Variants in SDK1 observed in about 807,000 individuals in gnomAD.
The protein encoded by SDK1 is sidekick cell adhesion molecule 1, also known as protein sidekick-1.
SDK1 carries 157 observed loss-of-function variants against 245.5 expected under a neutral mutation model. The observed-to-expected ratio is 0.64, with a 90% CI of 0.56 to 0.73. The LOEUF (loss-of-function observed/expected upper bound fraction) is 0.73, where lower values mean the gene tolerates loss of function less well. Ranked by LOEUF, SDK1 falls within the 30% of genes least tolerant of loss-of-function variation. SDK1 has a pLI of 0.00. For missense variants in SDK1, 3,583 were observed against 3,002.3 expected, an observed-to-expected ratio of 1.19 and a Z score of -4.52; for synonymous variants, 1,647 against 1,278.5, an observed-to-expected ratio of 1.29 and a Z score of -6.15.
At chr7:4,226,909 G>A (rs867990275) in intron 40 of SDK1, among the ~76,000 whole-genome samples, 2 of 151,424 alleles carry the variant, frequency 1.3e-5, no homozygotes, top group South Asian at 2.1e-4. Context: ...TTTAGAATGT[G>A]CCCAATGCAG....
chr7:3,471,932 TAATC>T (rs955191807), intron 1 of SDK1, among the ~76,000 whole-genome samples: 2 of 152,208 alleles, frequency 1.3e-5, no homozygotes, highest in African/African-American at 2.4e-5. Flanking sequence ...CTTTTGAAAA[TAATC>T]AAACTCTTTA....
At chr7:3,882,632 A>G (rs1781235039) in intron 5 of SDK1, among the ~76,000 whole-genome samples, 1 of 152,178 alleles carries the variant, frequency 6.6e-6, no homozygotes, top group Admixed American at 6.5e-5. Flanking sequence ...GTAGAATGTA[A>G]ATAGCATTGT....
At chr7:4,012,891 T>C (rs531704971) in intron 16 of SDK1, among the ~76,000 whole-genome samples, 1 of 152,264 alleles carries the variant, frequency 6.6e-6, no homozygotes, top group South Asian at 2.1e-4. Context: ...TGTAGGTCTT[T>C]TGATTCCATT....
intron 20 of SDK1, among the ~76,000 whole-genome samples, chr7:4,075,568 T>A (rs1466071576): frequency 6.6e-6 from 1 of 152,110 alleles, no homozygotes; most frequent in Non-Finnish European, 1.5e-5. Context: ...TCTCCCTCTT[T>A]AAAAGACACT....
intron 4 of SDK1, among the ~76,000 whole-genome samples, chr7:3,692,185 A>G (rs1168070139): frequency 3.9e-5 from 6 of 152,180 alleles, no homozygotes; most frequent in Admixed American, 6.5e-5. Flanking sequence ...CATAATTTCA[A>G]GTTTCCATTT....
chr7:4,200,121 C>T (rs539122411), intron 35 of SDK1, among the ~76,000 whole-genome samples: 1 of 152,100 alleles, frequency 6.6e-6, no homozygotes, highest in Admixed American at 6.6e-5. Context: ...AGGCCAGGAG[C>T]ATCTCTTAGA....
chr7:4,073,436 G>A (rs1387541979), intron 20 of SDK1, among the ~76,000 whole-genome samples: 1 of 152,216 alleles, frequency 6.6e-6, no homozygotes, highest in African/African-American at 2.4e-5. Context: ...TATTATCAAT[G>A]TTGATCCTAA....
chr7:4,224,959 G>C (rs1338174814), intron 40 of SDK1, among the ~76,000 whole-genome samples: 1 of 128,062 alleles, frequency 7.8e-6, no homozygotes, highest in Non-Finnish European at 1.6e-5. Flanking sequence ...CTCTAGCCTG[G>C]GCAACAGAGT....
At chr7:3,407,026 G>A (rs142973708) in intron 1 of SDK1, among the ~76,000 whole-genome samples, 325 of 152,284 alleles carry the variant, frequency 2.1e-3, no homozygotes, top group African/African-American at 6.4e-3. Context: ...GATCAAGAAT[G>A]CTAGAGGAAA....
chr7:3,544,186 A>G (rs1313504605), intron 1 of SDK1, among the ~76,000 whole-genome samples: 2 of 152,252 alleles, frequency 1.3e-5, no homozygotes, highest in African/African-American at 4.8e-5. Context: ...TGAATTTTCT[A>G]GTAGAGTTCT....
At chr7:3,731,617 C>G (rs771311486) in intron 4 of SDK1, among the ~76,000 whole-genome samples, 1 of 152,164 alleles carries the variant, frequency 6.6e-6, no homozygotes, top group East Asian at 1.9e-4. Context: ...GCTAATTTTT[C>G]TATCTCTTGG....
chr7:4,252,728 A>G (rs904272331), intron 44 of SDK1, among the ~76,000 whole-genome samples: 1 of 151,840 alleles, frequency 6.6e-6, no homozygotes. Context: ...TGTTTGATAG[A>G]TTTCATCAGT....
chr7:3,595,337 A>G (rs754312447), intron 1 of SDK1, among the ~76,000 whole-genome samples: 1 of 151,994 alleles, frequency 6.6e-6, no homozygotes, highest in Non-Finnish European at 1.5e-5. Flanking sequence ...CTTCTACCCT[A>G]TTTATTAAAT....
At chr7:3,839,307 A>G (rs761138052) in intron 5 of SDK1, among the ~76,000 whole-genome samples, 1 of 152,204 alleles carries the variant, frequency 6.6e-6, no homozygotes, top group African/African-American at 2.4e-5. Flanking sequence ...CGGTATTGAG[A>G]AAGTGGATGG....
chr7:3,785,979 T>C (rs1780888144), intron 4 of SDK1, among the ~76,000 whole-genome samples: 2 of 152,260 alleles, frequency 1.3e-5, no homozygotes, highest in African/African-American at 4.8e-5. Context: ...TATTAGGTCA[T>C]GCATCTTGTT....
intron 1 of SDK1, among the ~76,000 whole-genome samples, chr7:3,492,753 C>T (rs1781902209): frequency 6.6e-6 from 1 of 152,076 alleles, no homozygotes; most frequent in African/African-American, 2.4e-5. Context: ...GAACAAAGTC[C>T]CACCTCATTG....
intron 5 of SDK1, among the ~76,000 whole-genome samples, chr7:3,863,660 A>G (rs1441527337): frequency 6.6e-6 from 1 of 152,166 alleles, no homozygotes; most frequent in Non-Finnish European, 1.5e-5. Context: ...CTACTCTGTG[A>G]AGGTCATAGA....
intron 1 of SDK1, among the ~76,000 whole-genome samples, chr7:3,576,946 T>C (rs1179546015): frequency 6.6e-6 from 1 of 152,014 alleles, no homozygotes; most frequent in Middle Eastern, 3.2e-3. Flanking sequence ...GAAGAAATAG[T>C]AGACTTTTGA....
At chr7:4,158,754 T>G (rs969906014) in intron 31 of SDK1, among the ~76,000 whole-genome samples, 2 of 152,216 alleles carry the variant, frequency 1.3e-5, no homozygotes, top group Admixed American at 1.3e-4. Flanking sequence ...CCAAATGGAA[T>G]GGAAGTTTCT....
Sources: allele counts gnomAD v4.1 joint callset (sites outside exome capture counted in the v4.1 genomes callset), GRCh38; gene constraint gnomAD v4.1.1; transcripts MANE v1.5; gene names NCBI Gene and HGNC (gene_info 2026-07-23, HGNC 2026-07-21).